PPP4R1: variants seen among roughly 807,000 people sequenced by gnomAD.
PPP4R1 encodes the protein protein phosphatase 4 regulatory subunit 1, also known as serine/threonine-protein phosphatase 4 regulatory subunit 1.
Under a neutral mutation model 111.2 loss-of-function variants are expected in PPP4R1, and 42 were observed. The observed-to-expected ratio is 0.38, with a 90% CI of 0.29 to 0.49. The LOEUF is 0.49. PPP4R1 is among the 20% of genes least tolerant of loss of function. PPP4R1 has a pLI of 0.97. For missense variants in PPP4R1, 1,012 were observed against 1,161.6 expected (o/e 0.87, Z 1.87); for synonymous variants, 409 against 405.5 (o/e 1.01, Z -0.10).
rs757855860 is a variant in PPP4R1 at position 9,570,634 on chromosome 18, T to A, written c.1096A>T (p.Thr366Ser). ...PEDVQVRPED[T>S]PSDLSVSNSS... ...TTACTAACACTGAGATCTGAAGGAG[T>A]ATCCTCTGGCCTGACTTGTACATCC... Residue 366 changes from threonine (T) to serine (S), a missense_variant, in exon 11 of 20, where the codon ACT becomes TCT. Physicochemically the swap from Thr to Ser is moderately conservative, Grantham distance 58. Transcript: ENST00000400556. 3 of 1,612,460 alleles carry A rather than the reference T, an allele frequency of 1.9e-6. No individual in the cohort carries two copies. In the Admixed American group the frequency reaches 5.0e-5, roughly 27 times the overall value.
At chr18:9,608,641 T>A (rs1028786454) in intron 2 of PPP4R1, among the ~76,000 whole-genome samples, 4 of 152,338 alleles carry the variant, frequency 2.6e-5, no homozygotes, top group South Asian at 2.1e-4. Flanking sequence ...TCCATAGGTG[T>A]GCCATCCAGA....
At chr18:9,609,329 A>G (rs994259279) in intron 2 of PPP4R1, among the ~76,000 whole-genome samples, 4 of 152,148 alleles carry the variant, frequency 2.6e-5, no homozygotes, top group African/African-American at 9.7e-5. Context: ...AGGTTTCTGA[A>G]TGATTCCCTG....
At chr18:9,563,633 G>C in intron 11 of PPP4R1, 83 bp from the exon 12 acceptor site, 3 of 1,231,582 alleles carry the variant, frequency 2.4e-6, no homozygotes, top group Non-Finnish European at 3.3e-6. Flanking sequence ...TGCACTGTAC[G>C]TTATCAATGA....
chr18:9,591,361 A>G (rs746886866), intron 4 of PPP4R1, among the ~76,000 whole-genome samples: 7 of 150,500 alleles, frequency 4.7e-5, no homozygotes, highest in Non-Finnish European at 8.9e-5. Context: ...AAAAAAAAAG[A>G]TACCCAAATA....
chr18:9,600,889 A>G (rs867150862), intron 2 of PPP4R1, among the ~76,000 whole-genome samples: 25 of 152,172 alleles, frequency 1.6e-4, no homozygotes, highest in African/African-American at 4.6e-4. Flanking sequence ...AAAAAAAGAA[A>G]AAAGAAAAAA....
In PPP4R1 at chr18:9,614,268, G is replaced by A. The variant is rs780212003; in HGVS notation, c.10C>T (p.Leu4Phe). 293 of 1,336,320 alleles carry A rather than the reference G, an allele frequency of 2.2e-4. 2 individuals are homozygous for A. The South Asian group carries it at 4.1e-3, about 19-fold the overall frequency. The allele number at this position is 1,336,320 out of a possible 1,614,324, so 82.8% of individuals were successfully genotyped here. A position where few individuals can be genotyped will look rare whatever the true frequency, so the allele number is the denominator to read the frequency against. The change falls in exon 2 of 20, where the codon CTC (leucine) becomes TTC (phenylalanine). Residue 4 changes from leucine to phenylalanine, a missense_variant and splice_region_variant. Leu to Phe is a conservative substitution (Grantham distance 22, BLOSUM62 0). Around this residue, in one of 2 missense-constraint regions of PPP4R1, gnomAD observed 707 missense variants for 742.1 expected, o/e 0.95. Coordinates refer to ENST00000400556, the MANE Select transcript of PPP4R1 (RefSeq NM_001042388.3). The surrounding 1 kb of genome is among the most constrained non-coding windows in gnomAD (Gnocchi z 4.1). ...TGCAGGTCCTCCTGAAGCAGCGAGA[G>A]GTCTGCGCCGAGGGGAGAGAAGAAA... The part of the protein sequence containing the change: MAD[L>F]SLLQEDLQED...
chr18:9,578,158 C>A (rs918249984), intron 9 of PPP4R1, among the ~76,000 whole-genome samples: 1 of 152,124 alleles, frequency 6.6e-6, no homozygotes, highest in South Asian at 2.1e-4. Flanking sequence ...TGGACACAAT[C>A]GGACAAAGGC....
In PPP4R1 at chr18:9,555,994, AAAC is replaced by A. The variant is rs1184486269; in HGVS notation, c.2190+1224_2190+1226del. Among the ~76,000 whole-genome samples the A allele has an allele frequency of 2.0e-3, 136 of 68,976 alleles. 1 individual carries two copies. The highest frequency in any genetic ancestry group is 5.4e-3 in the African/African-American group (103 of 18,996). 45.3% of individuals were successfully genotyped at this position (68,976 alleles called of 152,430 possible). A position where few individuals can be genotyped will look rare whatever the true frequency, so the allele number is the denominator to read the frequency against. Reference sequence around the variant, plus strand: ...TACTAAAACAAACAAACAAACAAACAAACAAAAAAACACAAAATCGGCCGGGCT... The same window carrying A: ...TACTAAAACAAACAAACAAACAAACAAAAAAAACACAAAATCGGCCGGGCT... On this transcript the variant is annotated intron_variant, in intron 15 of 19. Coordinates refer to ENST00000400556, the MANE Select transcript of PPP4R1 (RefSeq NM_001042388.3).
intron 11 of PPP4R1, among the ~76,000 whole-genome samples, chr18:9,564,424 C>T (rs1165243063): frequency 1.3e-5 from 2 of 152,086 alleles, no homozygotes; most frequent in African/African-American, 4.8e-5. Flanking sequence ...ATATTAAGTG[C>T]CTGACAACAG....
chr18:9,554,002 C>A (rs185570706), intron 15 of PPP4R1, among the ~76,000 whole-genome samples: 43 of 152,184 alleles, frequency 2.8e-4, no homozygotes, highest in African/African-American at 9.6e-4. Context: ...CTTCAAGGGA[C>A]GTTCTAAGGA....
intron 2 of PPP4R1, among the ~76,000 whole-genome samples, chr18:9,596,784 GACT>G (rs1197194699): frequency 6.6e-6 from 1 of 152,100 alleles, no homozygotes; most frequent in Non-Finnish European, 1.5e-5. Flanking sequence ...TTACAGAACT[GACT>G]ACTTTAAACA....
intron 6 of PPP4R1, among the ~76,000 whole-genome samples, chr18:9,586,554 TA>T (rs1474110016): frequency 6.6e-6 from 1 of 151,554 alleles, no homozygotes; most frequent in Non-Finnish European, 1.5e-5. Flanking sequence ...ACTGAAAAAG[TA>T]AATTTATTAT....
rs190882506 is a variant in PPP4R1 at position 9,587,955 on chromosome 18, G to A, written c.585+134C>T. Reference sequence around the variant, plus strand: ...TGGTCTCCAACTCCTGACCTCAAGTGATCCACCCACCTCGGCCTCCCAAAG... The same window carrying A: ...TGGTCTCCAACTCCTGACCTCAAGTAATCCACCCACCTCGGCCTCCCAAAG... On this transcript the variant is annotated intron_variant, in intron 6 of 19. Transcript: ENST00000400556. 95 of 1,113,022 alleles carry A rather than the reference G, an allele frequency of 8.5e-5. No homozygotes were observed. The African/African-American group carries it at 1.4e-3, about 17-fold the overall frequency. The allele number at this position is 1,113,022 out of a possible 1,614,324, so 68.9% of individuals were successfully genotyped here. A position where few individuals can be genotyped will look rare whatever the true frequency, so the allele number is the denominator to read the frequency against.
chr18:9,566,648 G>GACAC (rs56772611), intron 11 of PPP4R1, among the ~76,000 whole-genome samples: 2,892 of 144,170 alleles, frequency 0.02, 46 homozygotes, highest in Middle Eastern at 0.033. Flanking sequence ...GAGGCGCTGT[G>GACAC]ACACACACAC....
intron 15 of PPP4R1, among the ~76,000 whole-genome samples, chr18:9,556,030 A>G (rs550059949): frequency 7.3e-5 from 11 of 150,794 alleles, no homozygotes; most frequent in South Asian, 2.1e-4. Flanking sequence ...GCTTAGTGGC[A>G]CGCACCTGTA....
At chr18:9,562,507 A>G (rs187252206) in intron 12 of PPP4R1, among the ~76,000 whole-genome samples, 206 of 152,304 alleles carry the variant, frequency 1.4e-3, no homozygotes, top group African/African-American at 4.8e-3. Flanking sequence ...AAACAGTAAC[A>G]ACAACAACAA....
intron 11 of PPP4R1, among the ~76,000 whole-genome samples, chr18:9,568,630 T>A (rs1375101205): frequency 6.6e-6 from 1 of 152,218 alleles, no homozygotes; most frequent in Non-Finnish European, 1.5e-5. Context: ...CAATTAATAT[T>A]TAAGTGACTA....
In PPP4R1 at chr18:9,614,158, C is replaced by T; in HGVS notation, c.52+68G>A. The stretch of plus-strand genomic sequence containing the variant: ...GCCAGCCAGGGCCCGGCCCAGGCCT[C>T]GCCGCCGCCCGCCCTCCCCGGCCGC... On this transcript the variant is annotated intron_variant, in intron 2 of 19. Transcript: ENST00000400556. The surrounding 1 kb of genome is among the most constrained non-coding windows in gnomAD (Gnocchi z 4.1). 2 of 1,254,608 alleles carry T rather than the reference C, an allele frequency of 1.6e-6. No homozygotes were observed. Among genetic ancestry groups the T allele is most frequent in the Non-Finnish European group, 2.0e-6 (2 of 982,566 alleles). 77.7% of individuals were successfully genotyped at this position (1,254,608 alleles called of 1,614,324 possible).
At chr18:9,549,786 C>T (rs2066459416) in intron 18 of PPP4R1, 1 of 565,314 alleles carries the variant, frequency 1.8e-6, no homozygotes, top group Non-Finnish European at 3.2e-6. Flanking sequence ...CACGCACATA[C>T]CAGGCATGTG....
Sources: allele counts gnomAD v4.1 joint callset (sites outside exome capture counted in the v4.1 genomes callset), GRCh38; gene constraint gnomAD v4.1.1; regional missense constraint gnomAD v4.1.1; non-coding constraint Gnocchi (gnomAD v3.1); transcripts MANE v1.5; gene names NCBI Gene and HGNC (gene_info 2026-07-23, HGNC 2026-07-21).